The following CALN1 variants were observed in gnomAD, a reference collection of about 807,000 sequenced individuals.
The protein encoded by CALN1 is calneuron 1.
A neutral mutation model predicts 30.6 loss-of-function variants in CALN1; 17 were observed. That is an observed-to-expected ratio of 0.56 (90% CI 0.38 to 0.83). CALN1 has a LOEUF of 0.83. CALN1 is among the 40% of genes least tolerant of loss of function. The pLI is 0.00. For missense variants in CALN1, 291 were observed against 354.9 expected, an observed-to-expected ratio of 0.82 and a Z score of 1.45; for synonymous variants, 156 against 131.4, an observed-to-expected ratio of 1.19 and a Z score of -1.28.
At chr7:72,016,513 T>C (rs2129529688) in intron 5 of CALN1, among the ~76,000 whole-genome samples, 2 of 151,988 alleles carry the variant, frequency 1.3e-5, no homozygotes, top group Admixed American at 1.3e-4. Context: ...TATAGCTCAC[T>C]GCAGCCTCAA....
intron 3 of CALN1, among the ~76,000 whole-genome samples, chr7:72,174,393 A>G (rs1318698751): frequency 1.3e-5 from 2 of 152,234 alleles, no homozygotes; most frequent in Non-Finnish European, 2.9e-5. Context: ...TATTTACCCA[A>G]GAGAAATGGA....
intron 3 of CALN1, among the ~76,000 whole-genome samples, chr7:72,183,907 CTT>C (rs900753487): frequency 6.7e-6 from 1 of 150,026 alleles, no homozygotes; most frequent in Non-Finnish European, 1.5e-5. Flanking sequence ...GAAAAACTGA[CTT>C]TTTTTTTTCT....
intron 3 of CALN1, among the ~76,000 whole-genome samples, chr7:72,135,807 T>C (rs1809470043): frequency 6.6e-6 from 1 of 152,170 alleles, no homozygotes; most frequent in African/African-American, 2.4e-5. Flanking sequence ...TACCCAGCTA[T>C]GAAAGTCCTA....
chr7:72,429,917 T>G (rs916207158), intron 1 of CALN1, among the ~76,000 whole-genome samples: 1 of 150,726 alleles, frequency 6.6e-6, no homozygotes, highest in Non-Finnish European at 1.5e-5. Context: ...CCCACTGGGT[T>G]CAAGTGATTC....
chr7:71,819,183 T>C (rs1411501031), intron 5 of CALN1, among the ~76,000 whole-genome samples: 1 of 151,652 alleles, frequency 6.6e-6, no homozygotes, highest in Admixed American at 6.6e-5. Context: ...TGGTAAAATA[T>C]AATAACTAAA....
chr7:71,853,704 C>T (rs1350827713), intron 5 of CALN1, among the ~76,000 whole-genome samples: 3 of 152,144 alleles, frequency 2.0e-5, no homozygotes, highest in Admixed American at 6.5e-5. Flanking sequence ...CTCAGCCTCC[C>T]GAGTAGCTGG....
intron 3 of CALN1, among the ~76,000 whole-genome samples, chr7:72,236,177 C>T (rs548040170): frequency 2.0e-4 from 30 of 152,114 alleles, no homozygotes; most frequent in African/African-American, 7.2e-4. Flanking sequence ...GAAAAATCAC[C>T]TAATTATTGG....
At chr7:72,013,652 C>T (rs1463731888) in intron 5 of CALN1, among the ~76,000 whole-genome samples, 1 of 151,906 alleles carries the variant, frequency 6.6e-6, no homozygotes, top group Non-Finnish European at 1.5e-5. Flanking sequence ...TTGTGCCAGT[C>T]AAAATAAGTA....
chr7:72,128,074 T>C (rs1808891941), intron 3 of CALN1, among the ~76,000 whole-genome samples: 1 of 152,076 alleles, frequency 6.6e-6, no homozygotes, highest in Non-Finnish European at 1.5e-5. Flanking sequence ...ATATCAATAA[T>C]AAAAATATTT....
chr7:72,450,773 G>T (rs528577750), upstream of CALN1, among the ~76,000 whole-genome samples: 1 of 152,186 alleles, frequency 6.6e-6, no homozygotes, highest in African/African-American at 2.4e-5. Flanking sequence ...CCAGCTACTC[G>T]GGAGGCTGAG....
the CALN1 span, among the ~76,000 whole-genome samples, chr7:72,462,543 G>A: frequency 1.3e-5 from 2 of 152,170 alleles, no homozygotes; most frequent in African/African-American, 4.8e-5. Flanking sequence ...GACTGATGAG[G>A]TCGAGCAGTA....
rs1259361360 is a variant in CALN1 at position 71,779,607 on chromosome 7, A to G, written c.*8168T>C. Reference sequence around the variant, plus strand: ...CGGTTAAAGAAAACATCTGGTAAATATGGCAGTTTTCCTTTATACACTAAG... The same window carrying G: ...CGGTTAAAGAAAACATCTGGTAAATGTGGCAGTTTTCCTTTATACACTAAG... On this transcript the variant is annotated 3_prime_UTR_variant, in exon 7 of 7. Coordinates refer to ENST00000395275, the MANE Select transcript of CALN1 (RefSeq NM_031468.4). 6.6e-6 allele frequency: 1 copy of G among 152,234 alleles called. No homozygotes were observed. The highest frequency in any genetic ancestry group is 1.5e-5 in the Non-Finnish European group (1 of 68,040). The allele number at this position is 152,234 out of a possible 1,614,324, so 9.4% of individuals were successfully genotyped here. A position where few individuals can be genotyped will look rare whatever the true frequency, so the allele number is the denominator to read the frequency against.
Position 72,401,596 on chromosome 7 carries a change from G to A in CALN1, c.119+1655C>T, listed in dbSNP as rs532113157. Among the ~76,000 whole-genome samples, 65 of 152,196 alleles carry A rather than the reference G, an allele frequency of 4.3e-4. 2 individuals are homozygous for A. The highest frequency in any genetic ancestry group is 1.3e-4 in the Non-Finnish European group (9 of 68,016). The stretch of plus-strand genomic sequence containing the variant: ...CCCCAAAGGAGAAGCACATGCCTTG[G>A]GAGAAACTGATTCCTTGGGTCATCA... On this transcript the variant is annotated intron_variant, in intron 2 of 6. Coordinates refer to ENST00000395275, the MANE Select transcript of CALN1 (RefSeq NM_031468.4).
intron 3 of CALN1, among the ~76,000 whole-genome samples, chr7:72,124,704 T>C (rs1808617184): frequency 6.6e-6 from 1 of 150,894 alleles, no homozygotes; most frequent in African/African-American, 2.4e-5. Flanking sequence ...TAAACAAGAA[T>C]TGGAGGCAGA....
chr7:72,356,256 T>C (rs1803222164), intron 2 of CALN1, among the ~76,000 whole-genome samples: 2 of 150,170 alleles, frequency 1.3e-5, no homozygotes, highest in Non-Finnish European at 1.5e-5. Flanking sequence ...TAAGGAGCAC[T>C]GGAAATACCA....
At chr7:72,029,174 T>C (rs1161495923) in intron 4 of CALN1, among the ~76,000 whole-genome samples, 1 of 151,964 alleles carries the variant, frequency 6.6e-6, no homozygotes, top group African/African-American at 2.4e-5. Context: ...TTGCCCAGGC[T>C]GGAGTGCAGT....
intron 3 of CALN1, among the ~76,000 whole-genome samples, chr7:72,244,040 C>T (rs561170836): frequency 7.7e-4 from 117 of 152,316 alleles, no homozygotes; most frequent in Middle Eastern, 3.4e-3. Flanking sequence ...GGAATGAGGA[C>T]TTTTCTGAAG....
intron 4 of CALN1, among the ~76,000 whole-genome samples, chr7:72,088,121 T>C (rs113707212): frequency 0.022 from 3,287 of 152,162 alleles, 110 homozygotes; most frequent in African/African-American, 0.075. Context: ...TGAGCTTTGA[T>C]TGCACCACTG....
chr7:71,949,022 C>T (rs1241106359), intron 5 of CALN1, among the ~76,000 whole-genome samples: 2 of 116,250 alleles, frequency 1.7e-5, no homozygotes, highest in African/African-American at 6.7e-5. Flanking sequence ...CAGCCTGAGT[C>T]ACACAGCAAG....
Sources: gnomAD v4.1 joint callset for allele counts (sites outside exome capture counted in the v4.1 genomes callset) on GRCh38, gnomAD v4.1.1 for gene constraint, MANE v1.5 for transcripts, NCBI Gene and HGNC (gene_info 2026-07-23, HGNC 2026-07-21) for gene names.